Variants in ZNF500 observed in about 807,000 individuals in gnomAD.
ZNF500 encodes the protein zinc finger protein 500, also known as zinc finger protein with KRAB and SCAN domains 18.
A neutral mutation model predicts 30.1 loss-of-function variants in ZNF500; 31 were observed. That is an observed-to-expected ratio of 1.03 (90% CI 0.77 to 1.39). ZNF500 has a LOEUF of 1.39. ZNF500 is among the 40% of genes most tolerant of loss of function. The pLI is 0.00. For synonymous variants in ZNF500, 392 were observed against 282.0 expected (o/e 1.39, Z -3.91); for missense variants, 817 against 657.8 (o/e 1.24, Z -2.65).
chr16:4,754,687 A>C (rs969559456), intron 5 of ZNF500, among the ~76,000 whole-genome samples: 4 of 151,326 alleles, frequency 2.6e-5, no homozygotes, highest in African/African-American at 9.7e-5. Flanking sequence ...AAAAAAAAAT[A>C]GAAAATAAAT....
At chr16:4,765,118 T>A (rs112860403) in intron 2 of ZNF500, among the ~76,000 whole-genome samples, 1 of 151,902 alleles carries the variant, frequency 6.6e-6, no homozygotes, top group East Asian at 1.9e-4. Flanking sequence ...CTGGGCAACA[T>A]AACGAAACCC....
At chr16:4,762,361 G>C (rs1365134743) in intron 3 of ZNF500, 26 bp from the exon 4 acceptor site, 24 of 1,591,778 alleles carry the variant, frequency 1.5e-5, no homozygotes, top group Non-Finnish European at 2.0e-5. Context: ...GTCACCACCA[G>C]TCACACAGCT....
chr16:4,747,473 T>C (rs771449884), downstream of ZNF500: 10 of 1,613,088 alleles, frequency 6.2e-6, no homozygotes, highest in African/African-American at 2.7e-5. Context: ...CACAGCTGGA[T>C]CACGAACTGG....
chr16:4,764,964 T>G (rs1028517992), intron 2 of ZNF500, among the ~76,000 whole-genome samples: 1 of 152,050 alleles, frequency 6.6e-6, no homozygotes, highest in Non-Finnish European at 1.5e-5. Context: ...GGGGGTAGTT[T>G]CAACTCCCTG....
intron 5 of ZNF500, among the ~76,000 whole-genome samples, chr16:4,756,152 C>A (rs1409310589): frequency 6.6e-6 from 1 of 152,204 alleles, no homozygotes; most frequent in African/African-American, 2.4e-5. Flanking sequence ...AATACCAGCA[C>A]TCTGAAATGC....
rs2082055770 is a variant in ZNF500 at position 4,749,264 on chromosome 16, G to A, written c.*3112C>T. On this transcript the variant is annotated 3_prime_UTR_variant, in exon 6 of 6. Transcript: ENST00000219478. ...CAGCCTGGCGGCCTCCGCTGTGGCT[G>A]CCTAGCTGTCAAGAGCAAAGGCTTT... 6.5e-6 allele frequency: 1 copy of A among 154,480 alleles called. No individual in the cohort carries two copies. Among genetic ancestry groups the A allele is most frequent in the South Asian group, 2.0e-4 (1 of 4,932 alleles). 9.6% of individuals were successfully genotyped at this position (154,480 alleles called of 1,614,324 possible). A position where few individuals can be genotyped will look rare whatever the true frequency, so the allele number is the denominator to read the frequency against.
rs1415098249 is a variant in ZNF500, at chr16:4,752,171, T to G, written c.*205A>C. On this transcript the variant is annotated 3_prime_UTR_variant, in exon 6 of 6. Coordinates refer to ENST00000219478, the MANE Select transcript of ZNF500 (RefSeq NM_021646.4). Reference sequence around the variant, plus strand: ...ACCTGTTCTGGCTGCCACTGGACACTCAGAGCCTGTCCTTGCCCTTGTTCT... The same window carrying G: ...ACCTGTTCTGGCTGCCACTGGACACGCAGAGCCTGTCCTTGCCCTTGTTCT... 5.0e-6 allele frequency: 7 copies of G among 1,399,018 alleles called. No homozygotes were observed. The African/African-American group carries it at 1.0e-4, about 20-fold the overall frequency. 86.7% of individuals were successfully genotyped at this position (1,399,018 alleles called of 1,614,324 possible). A position where few individuals can be genotyped will look rare whatever the true frequency, so the allele number is the denominator to read the frequency against.
At chr16:4,744,996 C>T, downstream of ZNF500, 2 of 1,613,400 alleles carry the variant, frequency 1.2e-6, no homozygotes, top group Non-Finnish European at 1.7e-6. Flanking sequence ...ACCAAAGAGG[C>T]AGATTCAGGA....
intron 5 of ZNF500, 96 bp from the exon 6 acceptor site, chr16:4,753,154 G>C: frequency 6.9e-7 from 1 of 1,457,386 alleles, no homozygotes; most frequent in Non-Finnish European, 9.0e-7. Flanking sequence ...GGCTCCTAAG[G>C]TTCCCCTACA....
intron 5 of ZNF500, chr16:4,756,387 G>C (rs72770396): frequency 0.46 from 69,181 of 151,836 alleles, 19,022 homozygotes; most frequent in East Asian, 0.64. Context: ...GGGAGGCTAA[G>C]GCACGAGAAT....
chr16:4,760,585 G>C lies in ZNF500; in HGVS notation c.667C>G (p.Pro223Ala), dbSNP rs772809848. The change falls in exon 5 of 6, where the codon CCC (proline) becomes GCC (alanine). Residue 223 changes from proline (P) to alanine (A), a missense_variant. By Grantham distance (27) the Pro-to-Ala change is conservative. Transcript: ENST00000219478. ...ACAGCCACGTCCTCCAAGTTCACGG[G>C]CACCTGCCAGAACGCACCCCACTCA... ...SPFLSAWSQV[P>A]VNLEDVAVYL... The C allele has an allele frequency of 2.5e-6, 4 of 1,612,994 alleles. No homozygotes were observed. The highest frequency in any genetic ancestry group is 3.4e-6 in the Non-Finnish European group (4 of 1,179,502).
chr16:4,765,578 TTC>T lies in ZNF500; in HGVS notation c.399_400del (p.Lys134ThrfsTer11), dbSNP rs1323490843. On this transcript the variant is annotated frameshift_variant, in exon 2 of 6. Coordinates refer to ENST00000219478, the MANE Select transcript of ZNF500 (RefSeq NM_021646.4). LOFTEE classifies it high-confidence loss of function. ...GCCCCCACTCACCCGCTGCCTGTGT[TTC>T]CTGGGCTTCCGCTGCAGCCCTTCCA... The T allele has an allele frequency of 1.3e-6, 2 of 1,599,946 alleles. No homozygotes were observed. The highest frequency in any genetic ancestry group is 2.7e-5 in the African/African-American group (2 of 74,626).
chr16:4,752,870 C>A lies in ZNF500; in HGVS notation c.949G>T (p.Ala317Ser), dbSNP rs201815351. 6.2e-7 allele frequency: 1 copy of A among 1,614,096 alleles called. No homozygotes were observed. Among genetic ancestry groups the A allele is most frequent in the East Asian group, 2.2e-5 (1 of 44,878 alleles). The change falls in exon 6 of 6, where the codon GCT becomes TCT. Residue 317 changes from alanine (A) to serine (S), a missense_variant. Coordinates refer to ENST00000219478, the MANE Select transcript of ZNF500 (RefSeq NM_021646.4). ...PRGGPPPGRR[A>S]SHGADKPYTC... ...TACGGCTTGTCAGCCCCATGGGAAG[C>A]CCGTCTTCCTGGTGGGGGGCCGCCT...
At position 4,753,498 on chromosome 16, in the gene ZNF500, C is replaced by T. The variant is rs924494559; in HGVS notation, c.761-440G>A. Among the ~76,000 whole-genome samples the T allele has an allele frequency of 3.3e-5, 5 of 152,146 alleles. 1 individual carries two copies. The South Asian group carries it at 8.3e-4, about 25-fold the overall frequency. ...AATCAATAAAACAAACAAAGAGGAA[C>T]GCACTTGACCATCACAATAACCCAG... On this transcript the variant is annotated intron_variant, in intron 5 of 5. Coordinates refer to ENST00000219478, the MANE Select transcript of ZNF500 (RefSeq NM_021646.4).
At chr16:4,747,770 C>T (rs1263919025), downstream of ZNF500, 4 of 1,069,192 alleles carry the variant, frequency 3.7e-6, no homozygotes, top group Non-Finnish European at 5.3e-6. Flanking sequence ...TGGACTGTTG[C>T]CCACCCTGTT....
rs2082045976 is a variant in ZNF500 at position 4,748,373 on chromosome 16, G to A, written c.*4003C>T. 1 of 152,036 alleles carries A rather than the reference G, an allele frequency of 6.6e-6. No homozygotes were observed. The highest frequency in any genetic ancestry group is 1.5e-5 in the Non-Finnish European group (1 of 68,012). 9.4% of individuals were successfully genotyped at this position (152,036 alleles called of 1,614,324 possible). A position where few individuals can be genotyped will look rare whatever the true frequency, so the allele number is the denominator to read the frequency against. On this transcript the variant is annotated 3_prime_UTR_variant, in exon 6 of 6. Coordinates refer to ENST00000219478, the MANE Select transcript of ZNF500 (RefSeq NM_021646.4). ...GGCTTTTAATGAACTTTTTGAAAGA[G>A]GAGTAACGAGAATTTGCTTTCTCTT...
chr16:4,760,941 G>C (rs559049938), intron 4 of ZNF500, among the ~76,000 whole-genome samples: 1 of 152,288 alleles, frequency 6.6e-6, no homozygotes, highest in African/African-American at 2.4e-5. Context: ...CGGCAGACGG[G>C]GGACTTCAGG....
At position 4,753,031 on chromosome 16, in the gene ZNF500, C is replaced by G. The variant is rs140858154; in HGVS notation, c.788G>C (p.Gly263Ala). The change falls in exon 6 of 6, where the codon GGT becomes GCT. Residue 263 changes from glycine to alanine, a missense_variant. Transcript: ENST00000219478. The part of the protein sequence containing the change: ...EGPGIQLEDG[G>A]DGREDAPLRM... ...CAACGGGGCATCCTCCCTGCCATCA[C>G]CGCCGTCCTCCAACTGGATCCCAGG... The G allele has an allele frequency of 1.0e-5, 16 of 1,529,668 alleles. No individual in the cohort carries two copies. The African/African-American group carries it at 2.1e-4, about 20-fold the overall frequency. 94.8% of individuals were successfully genotyped at this position (1,529,668 alleles called of 1,614,324 possible).
In ZNF500 at chr16:4,767,066, G is replaced by C. The variant is rs2082271488; in HGVS notation, c.-148C>G. ...GTTCGGGGCAGGACCGGAGCGGCGG[G>C]TCTCGGCGGGAGTAGGACTGCGGGC... is the stretch of plus-strand genomic sequence containing the variant. On this transcript the variant is annotated 5_prime_UTR_variant, in exon 1 of 6. Transcript: ENST00000219478. The C allele has an allele frequency of 6.6e-6, 1 of 152,388 alleles. No homozygotes were observed. Among genetic ancestry groups the C allele is most frequent in the South Asian group, 2.1e-4 (1 of 4,842 alleles). 9.4% of individuals were successfully genotyped at this position (152,388 alleles called of 1,614,324 possible). A position where few individuals can be genotyped will look rare whatever the true frequency, so the allele number is the denominator to read the frequency against.
Sources: allele counts gnomAD v4.1 joint callset (sites outside exome capture counted in the v4.1 genomes callset), GRCh38; gene constraint gnomAD v4.1.1; transcripts MANE v1.5; gene names NCBI Gene and HGNC (gene_info 2026-07-23, HGNC 2026-07-21).